The following DDX1 variants were observed in gnomAD, a reference collection of about 807,000 sequenced individuals.
DDX1 encodes DEAD-box helicase 1.
DDX1 carries 28 observed loss-of-function variants against 108.7 expected under a neutral mutation model. The ratio of observed to expected loss-of-function variants is 0.26; its 90% confidence interval spans 0.19 to 0.35. The LOEUF (loss-of-function observed/expected upper bound fraction) is 0.35, where lower values mean the gene tolerates loss of function less well. Ranked by LOEUF, DDX1 falls within the 10% of genes least tolerant of loss-of-function variation. DDX1 has a pLI of 1.00. For synonymous variants in DDX1, 295 were observed against 288.9 expected (o/e 1.02, Z -0.21); for missense variants, 710 against 884.5 (o/e 0.80, Z 2.50).
rs761820274 is a variant in DDX1 at position 15,591,914 on chromosome 2, C to G, written c.-20C>G. 6.2e-6 allele frequency: 9 copies of G among 1,458,462 alleles called. No individual in the cohort carries two copies. The highest frequency in any genetic ancestry group is 8.1e-6 in the Non-Finnish European group (9 of 1,105,404). 90.3% of individuals were successfully genotyped at this position (1,458,462 alleles called of 1,614,324 possible). A position where few individuals can be genotyped will look rare whatever the true frequency, so the allele number is the denominator to read the frequency against. On this transcript the variant is annotated 5_prime_UTR_variant, in exon 1 of 26. Coordinates refer to ENST00000233084, the MANE Select transcript of DDX1 (RefSeq NM_004939.3). ...GGAGGGAGGGAGCGAGCAGGCGAAG[C>G]CGCGGAGGACGGGGTGAAGATGGCG... is the stretch of plus-strand genomic sequence containing the variant.
intron 13 of DDX1, among the ~76,000 whole-genome samples, chr2:15,611,174 CAT>C (rs1422437096): frequency 2.0e-5 from 3 of 149,120 alleles, no homozygotes; most frequent in Middle Eastern, 3.5e-3. Flanking sequence ...GGACACAGCA[CAT>C]GTTTCAGAGA....
chr2:15,618,070 A>C (rs902589918), intron 15 of DDX1, 111 bp from the exon 16 acceptor site: 19 of 575,498 alleles, frequency 3.3e-5, no homozygotes, highest in Non-Finnish European at 6.4e-6. Context: ...TGCATGAATT[A>C]GTTTCCTTAT....
At chr2:15,596,551 G>A (rs537876897) in intron 3 of DDX1, among the ~76,000 whole-genome samples, 183 bp from the exon 4 acceptor site, 1 of 152,246 alleles carries the variant, frequency 6.6e-6, no homozygotes, top group African/African-American at 2.4e-5. Context: ...ATTCTTAAGG[G>A]TATGGGAAAG....
chr2:15,603,086 C>T, intron 7 of DDX1, 106 bp from the exon 8 acceptor site: 1 of 716,192 alleles, frequency 1.4e-6, no homozygotes, highest in Non-Finnish European at 2.3e-6. Flanking sequence ...TATAATTCTT[C>T]ATTTGGTACA....
intron 18 of DDX1, 149 bp downstream of exon 18, chr2:15,621,265 A>G: frequency 1.6e-6 from 1 of 636,478 alleles, no homozygotes; most frequent in South Asian, 1.8e-5. Flanking sequence ...GAAATGGGGA[A>G]AAGCTGATAC....
intron 9 of DDX1, 83 bp from the exon 10 acceptor site, chr2:15,604,354 C>G: frequency 1.1e-6 from 1 of 877,720 alleles, no homozygotes; most frequent in Non-Finnish European, 1.8e-6. Context: ...TATTTTGAAA[C>G]ACATACTTTT....
rs772148209 is a variant in DDX1 at position 15,604,487 on chromosome 2, A to G, written c.603A>G (p.Gly201=). 3 of 1,608,568 alleles carry G rather than the reference A, an allele frequency of 1.9e-6. No homozygotes were observed. The highest frequency in any genetic ancestry group is 4.5e-5 in the East Asian group (2 of 44,840). The change falls in exon 10 of 26, where the codon GGA becomes GGG. Residue 201 remains glycine, a synonymous_variant. Coordinates refer to ENST00000233084, the MANE Select transcript of DDX1 (RefSeq NM_004939.3). ...TIGCYLDIDK[G]HVKFSKNGKD... is the part of the protein sequence containing the mutation. ...GATGTTACCTGGATATAGATAAGGG[A>G]CATGTCAAGTTCTCCAAAAATGGTA...
intron 3 of DDX1, 71 bp downstream of exon 3, chr2:15,595,624 C>A (rs2148736277): frequency 9.7e-7 from 1 of 1,035,656 alleles, no homozygotes; most frequent in Non-Finnish European, 1.5e-6. Context: ...CTTACAAATG[C>A]TACTTTACCT....
chr2:15,591,942 C>T lies in DDX1; in HGVS notation c.9C>T (p.Ala3=), dbSNP rs377373438. ...CGGAGGACGGGGTGAAGATGGCGGC[C>T]TTCTCCGGTGCGTTTGTGGAAACTC... MA[A]FSEMGVMPEI... The change falls in exon 1 of 26, where the codon GCC becomes GCT. Residue 3 remains alanine, a synonymous_variant. Transcript: ENST00000233084. 9.8e-5 allele frequency: 141 copies of T among 1,440,350 alleles called. 1 individual carries two copies. In the African/African-American group the frequency reaches 1.5e-3, roughly 15 times the overall value. The allele number at this position is 1,440,350 out of a possible 1,614,324, so 89.2% of individuals were successfully genotyped here.
At chr2:15,630,255 TACTTTGTCC>T in intron 25 of DDX1, 145 bp downstream of exon 25, 1 of 793,470 alleles carries the variant, frequency 1.3e-6, no homozygotes, top group Non-Finnish European at 2.0e-6. Context: ...ACCCTCATAG[TACTTTGTCC>T]ATACCTGCCT....
chr2:15,623,560 G>A lies in DDX1; in HGVS notation c.1572G>A (p.Gln524=). The change falls in exon 19 of 26, where the codon CAG becomes CAA. Residue 524 remains glutamine (Q), a synonymous_variant. Transcript: ENST00000233084. ...AAATTGACTGTGATAACTTGGAGCA[G>A]TACTTTATACAACAAGGAGGAGGTA... The part of the protein sequence containing the change: ...RTKIDCDNLE[Q]YFIQQGGGPD... 1.2e-6 allele frequency: 2 copies of A among 1,613,440 alleles called. No individual in the cohort carries two copies. The highest frequency in any genetic ancestry group is 1.7e-6 in the Non-Finnish European group (2 of 1,179,550).
intron 23 of DDX1, 46 bp from the exon 24 acceptor site, chr2:15,629,556 G>A (rs1553342986): frequency 5.2e-6 from 7 of 1,342,110 alleles, no homozygotes; most frequent in African/African-American, 1.5e-5. Flanking sequence ...TATTTAGCAT[G>A]TCTCTATCTC....
rs749019661 is a variant in DDX1, at chr2:15,628,403, A to G, written c.1687-42A>G. The G allele has an allele frequency of 1.3e-5, 18 of 1,415,040 alleles. No homozygotes were observed. In the South Asian group the frequency reaches 2.0e-4, roughly 15 times the overall value. 87.7% of individuals were successfully genotyped at this position (1,415,040 alleles called of 1,614,324 possible). Reference sequence around the variant, plus strand: ...AGCATTTGTTTTTATTGTTTAGTATATGTGCTAACAAACTCCTTTCTCTCT... The same window carrying G: ...AGCATTTGTTTTTATTGTTTAGTATGTGTGCTAACAAACTCCTTTCTCTCT... On this transcript the variant is annotated intron_variant, in intron 20 of 25. Transcript: ENST00000233084.
intron 23 of DDX1, 71 bp from the exon 24 acceptor site, chr2:15,629,531 A>ATG: frequency 8.6e-7 from 1 of 1,167,618 alleles, no homozygotes; most frequent in Admixed American, 2.6e-5. Flanking sequence ...AATTAAAAAC[A>ATG]AATTTAGAAT....
rs1426129084 is a variant in DDX1, at chr2:15,607,379, AAGGT to A, written c.956+69_956+72del. 9 of 1,447,626 alleles carry A rather than the reference AAGGT, an allele frequency of 6.2e-6. No individual in the cohort carries two copies. In the African/African-American group the frequency reaches 9.9e-5, roughly 16 times the overall value. The allele number at this position is 1,447,626 out of a possible 1,614,324, so 89.7% of individuals were successfully genotyped here. ...GTTTGAAGTTTTTTGGAAGAAGAAT[AAGGT>A]AGAGAAAAATGAAGTAGAAATTCAG... On this transcript the variant is annotated intron_variant, in intron 13 of 25. Transcript: ENST00000233084.
intron 13 of DDX1, among the ~76,000 whole-genome samples, chr2:15,610,775 G>A (rs1381585358): frequency 3.3e-5 from 5 of 152,238 alleles, no homozygotes; most frequent in South Asian, 4.1e-4. Flanking sequence ...ACAAGCTCAC[G>A]CATTCTCTTT....
chr2:15,618,065 G>T, intron 15 of DDX1, 116 bp from the exon 16 acceptor site: 1 of 563,404 alleles, frequency 1.8e-6, no homozygotes, highest in South Asian at 3.2e-5. Context: ...GTATATGCAT[G>T]AATTAGTTTC....
At chr2:15,610,031 C>T (rs1293710338) in intron 13 of DDX1, among the ~76,000 whole-genome samples, 1 of 152,140 alleles carries the variant, frequency 6.6e-6, no homozygotes, top group Admixed American at 6.5e-5. Flanking sequence ...AACTCTAGGG[C>T]TCAAGCAATC....
intron 16 of DDX1, among the ~76,000 whole-genome samples, chr2:15,619,016 G>T (rs143353408): frequency 6.6e-6 from 1 of 152,312 alleles, no homozygotes; most frequent in East Asian, 1.9e-4. Flanking sequence ...GCCTTTTAGG[G>T]CCCCCCGAGT....
Sources: gnomAD v4.1 joint callset for allele counts (sites outside exome capture counted in the v4.1 genomes callset) on GRCh38, gnomAD v4.1.1 for gene constraint, MANE v1.5 for transcripts, NCBI Gene and HGNC (gene_info 2026-07-23, HGNC 2026-07-21) for gene names.